The following RCC1L variants were observed in gnomAD, a reference collection of about 807,000 sequenced individuals.
RCC1L encodes RCC1 like, also known as RCC1-like G exchanging factor-like protein.
RCC1L carries 46 observed loss-of-function variants against 58.6 expected under a neutral mutation model. That is an observed-to-expected ratio of 0.79 (90% CI 0.62 to 1.00). The LOEUF is 1.00. RCC1L is among the 50% of genes least tolerant of loss of function. RCC1L has a pLI of 0.00. For missense variants in RCC1L, 636 were observed against 623.6 expected, an observed-to-expected ratio of 1.02 and a Z score of -0.21; for synonymous variants, 281 against 262.9, an observed-to-expected ratio of 1.07 and a Z score of -0.67.
chr7:75,041,404 G>A (rs919663154), downstream of RCC1L, among the ~76,000 whole-genome samples: 2 of 152,070 alleles, frequency 1.3e-5, no homozygotes, highest in Non-Finnish European at 2.9e-5. Flanking sequence ...CCCAGCATGA[G>A]GACAGTACTG....
chr7:75,039,444 C>CAT (rs1805497963), downstream of RCC1L, among the ~76,000 whole-genome samples: 3 of 152,230 alleles, frequency 2.0e-5, no homozygotes, highest in Admixed American at 6.5e-5. Flanking sequence ...AGAAACAAGT[C>CAT]ATGACAGCAT....
intron 10 of RCC1L, among the ~76,000 whole-genome samples, chr7:75,048,064 T>C (rs373558199): frequency 0.77 from 114,401 of 149,112 alleles, 44,032 homozygotes; most frequent in East Asian, 0.89. Flanking sequence ...GTGAGGAGTT[T>C]GAGACCAGCC....
downstream of RCC1L, among the ~76,000 whole-genome samples, chr7:75,039,892 C>T (rs1681311955): frequency 6.6e-6 from 1 of 152,000 alleles, no homozygotes; most frequent in Non-Finnish European, 1.5e-5. Context: ...GAGCTAATGG[C>T]ATAGTAGGGT....
chr7:75,046,959 A>AT lies in RCC1L; in HGVS notation c.1318-3851dup, dbSNP rs1448160535. On this transcript the variant is annotated intron_variant, in intron 10 of 10. Transcript: ENST00000610322. The stretch of plus-strand genomic sequence containing the variant: ...GCAGTTCAATGGCACCAGCTTTTCT[A>AT]TTTTTTTTTTTTCAATGAGACGGAG... 2.7e-3 allele frequency among the ~76,000 whole-genome samples: 388 copies of AT among 145,114 alleles called. 1 individual carries two copies. The highest frequency in any genetic ancestry group is 0.011 in the Middle Eastern group (3 of 282).
intron 8 of RCC1L, 111 bp from the exon 9 acceptor site, chr7:75,056,185 G>A: frequency 1.8e-6 from 2 of 1,084,860 alleles, no homozygotes; most frequent in Non-Finnish European, 2.6e-6. Context: ...GTTTTTTTTT[G>A]TTTTTTTTTT....
intron 8 of RCC1L, 68 bp downstream of exon 8, chr7:75,057,461 G>C: frequency 6.5e-7 from 1 of 1,530,262 alleles, no homozygotes; most frequent in Non-Finnish European, 9.1e-7. Context: ...CAAATCCAAT[G>C]GACACTGACC....
At chr7:75,036,210 G>A (rs903857059) in intron 10 of RCC1L, among the ~76,000 whole-genome samples, 29 of 147,696 alleles carry the variant, frequency 2.0e-4, no homozygotes, top group African/African-American at 7.0e-4. Flanking sequence ...TCTGCCTCCC[G>A]GGTTCAAGCA....
Position 75,042,677 on chromosome 7 carries a change from C to A in RCC1L, c.*355G>T. On this transcript the variant is annotated 3_prime_UTR_variant, in exon 11 of 11. Transcript: ENST00000610322. The stretch of plus-strand genomic sequence containing the variant: ...ACTGCCATGACAGACAGAGCAGAAA[C>A]CTCCCGAGCACTGTGTTCAAGCTAA... The A allele has an allele frequency of 3.5e-6, 4 of 1,159,056 alleles. No homozygotes were observed. Among genetic ancestry groups the A allele is most frequent in the African/African-American group, 3.2e-5 (2 of 62,618 alleles). 71.8% of individuals were successfully genotyped at this position (1,159,056 alleles called of 1,614,324 possible).
intron 10 of RCC1L, among the ~76,000 whole-genome samples, chr7:75,050,286 CAATAATAATAA>C (rs1338560339): frequency 3.9e-5 from 6 of 151,966 alleles, no homozygotes; most frequent in African/African-American, 1.5e-4. Flanking sequence ...CATCTCAAAA[CAATAATAATAA>C]AATAAAAATA....
intron 10 of RCC1L, among the ~76,000 whole-genome samples, chr7:75,045,516 C>T (rs1198082368): frequency 2.0e-5 from 2 of 102,554 alleles, no homozygotes; most frequent in African/African-American, 7.9e-5. Context: ...AGATATGCAT[C>T]TCTCTTTTTT....
At chr7:75,040,949 G>A (rs1006490627), downstream of RCC1L, among the ~76,000 whole-genome samples, 1 of 152,104 alleles carries the variant, frequency 6.6e-6, no homozygotes, top group East Asian at 1.9e-4. Context: ...CGGGCACGGT[G>A]GCTCACGCCT....
exon 11 of RCC1L, chr7:75,027,790 G>T: frequency 1.8e-6 from 1 of 556,342 alleles, no homozygotes. Flanking sequence ...TTATCTTCTC[G>T]GCGTTCTGTG....
chr7:75,035,497 TTAAA>T (rs1805415510), intron 10 of RCC1L, among the ~76,000 whole-genome samples: 4 of 152,218 alleles, frequency 2.6e-5, no homozygotes, highest in African/African-American at 4.8e-5. Flanking sequence ...CTCAAAAAAA[TTAAA>T]TGAATGAGCA....
Position 75,057,666 on chromosome 7 carries a change from C to G in RCC1L, c.970-50G>C, listed in dbSNP as rs973104873. 5.4e-5 allele frequency: 85 copies of G among 1,578,132 alleles called. No homozygotes were observed. In the African/African-American group the frequency reaches 9.8e-4, roughly 18 times the overall value. Reference sequence around the variant, plus strand: ...TGTTAGGAAAGCAAGCCAGTAAGGACCGGGAAGTGTTCTGGTCTTAGGTAC... The same window carrying G: ...TGTTAGGAAAGCAAGCCAGTAAGGAGCGGGAAGTGTTCTGGTCTTAGGTAC... On this transcript the variant is annotated intron_variant, in intron 7 of 10. Coordinates refer to ENST00000610322, the MANE Select transcript of RCC1L (RefSeq NM_030798.5).
At position 75,061,431 on chromosome 7, in the gene RCC1L, T is replaced by C. The variant is rs1584500058; in HGVS notation, c.703-140A>G. 1.2e-5 allele frequency: 9 copies of C among 720,366 alleles called. No individual in the cohort carries two copies. The East Asian group carries it at 2.3e-4, about 18-fold the overall frequency. The allele number at this position is 720,366 out of a possible 1,614,324, so 44.6% of individuals were successfully genotyped here. ...CCAGGCAGACTGCTCCATGCTCATC[T>C]TACTCCTTCTCAATCTACCAGTCTC... On this transcript the variant is annotated intron_variant, in intron 5 of 10. Coordinates refer to ENST00000610322, the MANE Select transcript of RCC1L (RefSeq NM_030798.5).
downstream of RCC1L, among the ~76,000 whole-genome samples, chr7:75,038,547 C>T (rs1258565665): frequency 2.8e-5 from 4 of 143,114 alleles, no homozygotes; most frequent in East Asian, 2.0e-4. Flanking sequence ...TTTTTTTTGG[C>T]GCGCAGACCA....
At chr7:75,072,100 A>C (rs1165927428) in intron 1 of RCC1L, among the ~76,000 whole-genome samples, 1 of 142,568 alleles carries the variant, frequency 7.0e-6, no homozygotes, top group Non-Finnish European at 1.5e-5. Context: ...AAAAAAAAAA[A>C]CAAACCTATA....
intron 8 of RCC1L, 74 bp from the exon 9 acceptor site, chr7:75,056,148 A>C: frequency 1.9e-5 from 28 of 1,512,460 alleles, no homozygotes; most frequent in East Asian, 2.3e-5. Flanking sequence ...CTCAAACTAC[A>C]CCACCAAGGT....
At chr7:75,055,781 T>C (rs1172060701) in intron 9 of RCC1L, 120 bp downstream of exon 9, 1 of 1,203,890 alleles carries the variant, frequency 8.3e-7, no homozygotes, top group Admixed American at 1.9e-5. Context: ...GAGTTATCAG[T>C]ACAAAGGCGC....
Sources: allele counts gnomAD v4.1 joint callset (sites outside exome capture counted in the v4.1 genomes callset), GRCh38; gene constraint gnomAD v4.1.1; transcripts MANE v1.5; gene names NCBI Gene and HGNC (gene_info 2026-07-23, HGNC 2026-07-21).